The following TP63 variants were observed in gnomAD, a reference collection of about 807,000 sequenced individuals.
The protein encoded by TP63 is tumor protein 63.
TP63 carries 17 observed loss-of-function variants against 82.8 expected under a neutral mutation model. The ratio of observed to expected loss-of-function variants is 0.21; its 90% CI spans 0.14 to 0.31. The LOEUF is 0.31. Ranked by LOEUF, TP63 falls within the 10% of genes least tolerant of loss-of-function variation. The pLI is 1.00. For synonymous variants in TP63, 330 were observed against 321.7 expected (o/e 1.03, Z -0.28); for missense variants, 648 against 895.3 (o/e 0.72, Z 3.52).
chr3:189,693,408 A>G (rs1197792099), intron 1 of TP63, among the ~76,000 whole-genome samples: 1 of 152,230 alleles, frequency 6.6e-6, no homozygotes, highest in Non-Finnish European at 1.5e-5. Flanking sequence ...AAACCAAGGG[A>G]GAAGAGAACA....
At chr3:189,607,983 G>A in the TP63 span, among the ~76,000 whole-genome samples, 1 of 151,796 alleles carries the variant, frequency 6.6e-6, no homozygotes, top group Non-Finnish European at 1.5e-5. Context: ...GAGAGGTTCA[G>A]CCCTTACAAA....
At chr3:189,812,738 A>T (rs187698874) in intron 4 of TP63, among the ~76,000 whole-genome samples, 119 of 152,192 alleles carry the variant, frequency 7.8e-4, no homozygotes, top group Middle Eastern at 3.4e-3. Context: ...TATGCTCCCA[A>T]GTGTTTATTG....
the TP63 span, among the ~76,000 whole-genome samples, chr3:189,615,960 G>T: frequency 4.6e-5 from 7 of 152,144 alleles, no homozygotes; most frequent in African/African-American, 1.7e-4. Flanking sequence ...GTTAAGACCC[G>T]ATCTGGCACT....
intron 4 of TP63, among the ~76,000 whole-genome samples, chr3:189,818,536 A>G (rs954342541): frequency 1.3e-5 from 2 of 152,214 alleles, no homozygotes; most frequent in South Asian, 4.1e-4. Flanking sequence ...GATCCATTTC[A>G]TGGGGAATAA....
At chr3:189,814,418 G>A (rs1727936360) in intron 4 of TP63, among the ~76,000 whole-genome samples, 1 of 152,096 alleles carries the variant, frequency 6.6e-6, no homozygotes, top group Non-Finnish European at 1.5e-5. Context: ...ATTGGTGAGG[G>A]GCAGAAGTCA....
At chr3:189,634,377 T>C (rs559121413) in intron 1 of TP63, among the ~76,000 whole-genome samples, 1 of 152,236 alleles carries the variant, frequency 6.6e-6, no homozygotes, top group East Asian at 1.9e-4. Flanking sequence ...TGTTATCTTT[T>C]ATTACTAAAT....
chr3:189,716,815 TA>T (rs1341189954), intron 1 of TP63, among the ~76,000 whole-genome samples: 3 of 151,978 alleles, frequency 2.0e-5, no homozygotes, highest in Admixed American at 6.6e-5. Flanking sequence ...TTTTTTTTTT[TA>T]GATGGAGTCT....
chr3:189,869,110 G>T (rs1364620200), intron 8 of TP63, among the ~76,000 whole-genome samples: 1 of 152,046 alleles, frequency 6.6e-6, no homozygotes, highest in Non-Finnish European at 1.5e-5. Context: ...CCTCCTTATT[G>T]CTAGGATCAC....
Position 189,870,759 on chromosome 3 carries a change from A to G in TP63, c.1212+1353A>G, listed in dbSNP as rs536924829. ...TAGGTCTTTGCCATGTAGGGTGGCA[A>G]TGACGTTTTGGTGGCTGGCATAGCC... On this transcript the variant is annotated intron_variant, in intron 9 of 13. Transcript: ENST00000264731. Among the ~76,000 whole-genome samples the G allele has an allele frequency of 4.6e-4, 70 of 152,246 alleles. No individual in the cohort carries two copies. In the South Asian group the frequency reaches 0.014, roughly 30 times the overall value.
At chr3:189,676,991 C>G (rs1715458340) in intron 1 of TP63, among the ~76,000 whole-genome samples, 1 of 151,110 alleles carries the variant, frequency 6.6e-6, no homozygotes, top group African/African-American at 2.4e-5. Context: ...ACCCTCCCAC[C>G]CTCCCAAATC....
intron 1 of TP63, among the ~76,000 whole-genome samples, chr3:189,688,835 A>T (rs1716659235): frequency 6.6e-6 from 1 of 152,176 alleles, no homozygotes; most frequent in Non-Finnish European, 1.5e-5. Context: ...TAGGGAGTTA[A>T]AGCTGTTTCC....
At chr3:189,762,361 G>A (rs1722646525) in intron 3 of TP63, among the ~76,000 whole-genome samples, 1 of 151,866 alleles carries the variant, frequency 6.6e-6, no homozygotes, top group South Asian at 2.1e-4. Flanking sequence ...GGGATTTTAT[G>A]GTTTGTAGGG....
chr3:189,675,241 G>T (rs1447317922), intron 1 of TP63, among the ~76,000 whole-genome samples: 1 of 151,994 alleles, frequency 6.6e-6, no homozygotes, highest in East Asian at 1.9e-4. Flanking sequence ...ATCTCCCAAA[G>T]ACCTCACCTC....
the TP63 span, among the ~76,000 whole-genome samples, chr3:189,622,550 G>T: frequency 6.6e-6 from 1 of 152,146 alleles, no homozygotes; most frequent in African/African-American, 2.4e-5. Context: ...TTAGTAAGTG[G>T]CAAGCTGTAT....
intron 4 of TP63, among the ~76,000 whole-genome samples, chr3:189,835,195 A>G (rs1350482079): frequency 6.6e-6 from 1 of 152,184 alleles, no homozygotes; most frequent in African/African-American, 2.4e-5. Context: ...ATAGCTTATT[A>G]AACTAGATGG....
intron 1 of TP63, among the ~76,000 whole-genome samples, chr3:189,669,356 C>T: frequency 8.7e-6 from 1 of 115,158 alleles, no homozygotes; most frequent in Non-Finnish European, 1.9e-5. Context: ...GTGTGTACTA[C>T]AAAAAAAAAA....
At chr3:189,615,142 T>G in the TP63 span, among the ~76,000 whole-genome samples, 2 of 152,240 alleles carry the variant, frequency 1.3e-5, no homozygotes, top group African/African-American at 4.8e-5. Flanking sequence ...GAATAAAACC[T>G]AAACTCCCTT....
chr3:189,725,277 G>A (rs1054540296), intron 1 of TP63, among the ~76,000 whole-genome samples: 4 of 152,134 alleles, frequency 2.6e-5, no homozygotes, highest in Non-Finnish European at 5.9e-5. Flanking sequence ...GTAATGTGAA[G>A]TTTATACACA....
intron 3 of TP63, among the ~76,000 whole-genome samples, chr3:189,806,377 G>A (rs1726906547): frequency 6.6e-6 from 1 of 152,082 alleles, no homozygotes; most frequent in African/African-American, 2.4e-5. Flanking sequence ...ACTGCTGTAG[G>A]GAGGCACGTG....
Sources: allele counts gnomAD v4.1 joint callset (sites outside exome capture counted in the v4.1 genomes callset), GRCh38; gene constraint gnomAD v4.1.1; transcripts MANE v1.5; gene names NCBI Gene and HGNC (gene_info 2026-07-23, HGNC 2026-07-21).